UBE2N: variants seen among roughly 807,000 people sequenced by gnomAD.
The protein encoded by UBE2N is ubiquitin-conjugating enzyme E2 N.
For missense variants in UBE2N, 60 were observed against 192.1 expected (o/e 0.31, Z 4.07); for synonymous variants, 70 against 69.2 (o/e 1.01, Z -0.06).
intron 1 of UBE2N, among the ~76,000 whole-genome samples, chr12:93,413,110 TTTG>T (rs1878080972): frequency 6.6e-6 from 1 of 152,222 alleles, no homozygotes; most frequent in Admixed American, 6.5e-5. Context: ...CGCTAACTTG[TTTG>T]TTAAGGTCAC....
At chr12:93,431,481 A>G (rs961773280) in intron 1 of UBE2N, among the ~76,000 whole-genome samples, 1 of 152,216 alleles carries the variant, frequency 6.6e-6, no homozygotes, top group African/African-American at 2.4e-5. Flanking sequence ...TCCCATAGCT[A>G]TAAAATAGGA....
At chr12:93,435,854 C>A (rs1162142630) in intron 1 of UBE2N, among the ~76,000 whole-genome samples, 1 of 151,984 alleles carries the variant, frequency 6.6e-6, no homozygotes, top group African/African-American at 2.4e-5. Context: ...GTAAATTTTT[C>A]CACTGCACTT....
intron 3 of UBE2N, chr12:93,410,467 A>AT (rs1878000895): frequency 3.6e-6 from 2 of 559,548 alleles, no homozygotes; most frequent in South Asian, 4.8e-5. Flanking sequence ...CTTTACATAT[A>AT]ACTAGATAAA....
chr12:93,434,658 G>C (rs1260403839), intron 1 of UBE2N, among the ~76,000 whole-genome samples: 1 of 152,100 alleles, frequency 6.6e-6, no homozygotes, highest in Non-Finnish European at 1.5e-5. Context: ...GGAGCACATG[G>C]AGACCTAGGG....
chr12:93,419,329 GC>G (rs1472762765), intron 1 of UBE2N, among the ~76,000 whole-genome samples: 3 of 151,958 alleles, frequency 2.0e-5, no homozygotes, highest in Non-Finnish European at 4.4e-5. Context: ...GACGGAGGTT[GC>G]AGTGAGCCGA....
At chr12:93,418,699 C>T (rs1394037274) in intron 1 of UBE2N, among the ~76,000 whole-genome samples, 3 of 151,078 alleles carry the variant, frequency 2.0e-5, no homozygotes, top group East Asian at 1.9e-4. Flanking sequence ...ATACAAGCCA[C>T]GTAAGTATTT....
At chr12:93,422,378 ACT>A (rs1176654739) in intron 1 of UBE2N, among the ~76,000 whole-genome samples, 4 of 151,894 alleles carry the variant, frequency 2.6e-5, no homozygotes, top group Non-Finnish European at 5.9e-5. Flanking sequence ...ATCTTAATGA[ACT>A]CTGTTATCTC....
intron 1 of UBE2N, chr12:93,424,293 T>C (rs1158360473): frequency 6.6e-6 from 1 of 152,224 alleles, no homozygotes; most frequent in Non-Finnish European, 1.5e-5. Flanking sequence ...TTCAGGTTAC[T>C]TCTGGTTTCA....
intron 1 of UBE2N, among the ~76,000 whole-genome samples, chr12:93,415,908 A>T (rs1878191578): frequency 6.6e-6 from 1 of 152,220 alleles, no homozygotes; most frequent in African/African-American, 2.4e-5. Context: ...TGGCAGAGAT[A>T]GGTATGGCAT....
chr12:93,425,733 C>T (rs1878560824), intron 1 of UBE2N, among the ~76,000 whole-genome samples: 1 of 152,190 alleles, frequency 6.6e-6, no homozygotes, highest in South Asian at 2.1e-4. Flanking sequence ...AGACTCCAAA[C>T]CGAATCTTTA....
At chr12:93,424,120 T>C (rs1429852878) in intron 1 of UBE2N, 3 of 152,370 alleles carry the variant, frequency 2.0e-5, no homozygotes, top group Non-Finnish European at 4.4e-5. Flanking sequence ...TTACATTTTT[T>C]CACTCCTGTG....
chr12:93,437,188 A>G (rs78056997), intron 1 of UBE2N, among the ~76,000 whole-genome samples: 1 of 152,144 alleles, frequency 6.6e-6, no homozygotes. Context: ...GAAAAAAAAA[A>G]GAGCCAAAGC....
At chr12:93,430,661 C>G (rs1878734772) in intron 1 of UBE2N, among the ~76,000 whole-genome samples, 1 of 151,554 alleles carries the variant, frequency 6.6e-6, no homozygotes, top group Non-Finnish European at 1.5e-5. Flanking sequence ...GCCTGTAATC[C>G]CAACACTGTG....
chr12:93,413,837 C>T (rs904655648), intron 1 of UBE2N, among the ~76,000 whole-genome samples: 8 of 152,198 alleles, frequency 5.3e-5, no homozygotes, highest in South Asian at 4.1e-4. Context: ...CTACCTCCCT[C>T]GCAGGTCTAT....
chr12:93,437,177 AG>A (rs1306001205), intron 1 of UBE2N, among the ~76,000 whole-genome samples: 1 of 151,926 alleles, frequency 6.6e-6, no homozygotes, highest in Non-Finnish European at 1.5e-5. Context: ...CAGCCCTTTG[AG>A]AAAAAAAAAA....
In UBE2N at chr12:93,408,290, T is replaced by C. The variant is rs980311447; in HGVS notation, c.*1749A>G. ...AATATTAGGGTTGTTAACTATTTCA[T>C]TCTGAATTAAGCTAACATTTGTTAC... On this transcript the variant is annotated 3_prime_UTR_variant, in exon 4 of 4. Transcript: ENST00000318066. 6.6e-6 allele frequency: 1 copy of C among 152,264 alleles called. No homozygotes were observed. Among genetic ancestry groups the C allele is most frequent in the African/African-American group, 2.4e-5 (1 of 41,474 alleles). 9.4% of individuals were successfully genotyped at this position (152,264 alleles called of 1,614,324 possible).
At chr12:93,429,800 A>G (rs964465225) in intron 1 of UBE2N, among the ~76,000 whole-genome samples, 2 of 152,154 alleles carry the variant, frequency 1.3e-5, no homozygotes, top group Non-Finnish European at 2.9e-5. Flanking sequence ...AGATTGTAAG[A>G]GAAAAAAGCT....
At chr12:93,417,416 G>A (rs1297963207) in intron 1 of UBE2N, among the ~76,000 whole-genome samples, 1 of 152,156 alleles carries the variant, frequency 6.6e-6, no homozygotes, top group Non-Finnish European at 1.5e-5. Flanking sequence ...AGCAATGACA[G>A]GTCTTAGATG....
At chr12:93,435,334 G>A (rs1198729586) in intron 1 of UBE2N, among the ~76,000 whole-genome samples, 12 of 152,076 alleles carry the variant, frequency 7.9e-5, no homozygotes, top group Admixed American at 2.0e-4. Context: ...TCAGCTGGGC[G>A]TGGTGGCATA....
Sources: gnomAD v4.1 joint callset for allele counts (sites outside exome capture counted in the v4.1 genomes callset) on GRCh38, gnomAD v4.1.1 for gene constraint, MANE v1.5 for transcripts, NCBI Gene and HGNC (gene_info 2026-07-23, HGNC 2026-07-21) for gene names.